The following AKAP13 variants were observed in gnomAD, a reference collection of about 807,000 sequenced individuals.
The protein encoded by AKAP13 is A-kinase anchor protein 13.
AKAP13 carries 80 observed loss-of-function variants against 264.5 expected under a neutral mutation model. The ratio of observed to expected loss-of-function variants is 0.30; its 90% CI spans 0.25 to 0.36. The LOEUF is 0.36. Among genes scored for constraint, AKAP13 ranks in the 10% least tolerant of loss-of-function variants. AKAP13 has a pLI of 1.00. For synonymous variants in AKAP13, 1,380 were observed against 1,250.2 expected, an observed-to-expected ratio of 1.10 and a Z score of -2.19; for missense variants, 3,712 against 3,435.2, an observed-to-expected ratio of 1.08 and a Z score of -2.01.
intron 7 of AKAP13, among the ~76,000 whole-genome samples, chr15:85,584,093 G>A (rs529608898): frequency 5.8e-4 from 88 of 152,286 alleles, no homozygotes; most frequent in African/African-American, 2.0e-3. Context: ...GCACCTGAGT[G>A]TGATCTCAGA....
At chr15:85,455,393 C>G (rs1406088511) in intron 1 of AKAP13, among the ~76,000 whole-genome samples, 2 of 152,078 alleles carry the variant, frequency 1.3e-5, no homozygotes, top group African/African-American at 4.8e-5. Flanking sequence ...AACAGTGGGA[C>G]ACGAGGCATA....
At chr15:85,562,871 G>GTTT (rs71141408) in intron 5 of AKAP13, among the ~76,000 whole-genome samples, 2 of 133,912 alleles carry the variant, frequency 1.5e-5, no homozygotes, top group Non-Finnish European at 3.2e-5. Flanking sequence ...GGTTTTTTTT[G>GTTT]TTTTTTTTTT....
At chr15:85,500,442 T>C (rs1463588735) in intron 2 of AKAP13, among the ~76,000 whole-genome samples, 2 of 152,186 alleles carry the variant, frequency 1.3e-5, no homozygotes, top group Non-Finnish European at 2.9e-5. Flanking sequence ...ATTGCTCTCT[T>C]TGGAAATTCT....
intron 1 of AKAP13, among the ~76,000 whole-genome samples, chr15:85,430,858 A>G (rs1222690703): frequency 2.0e-5 from 3 of 152,198 alleles, no homozygotes; most frequent in Non-Finnish European, 4.4e-5. Flanking sequence ...GAGGGTTTAA[A>G]TACTTGTACT....
At chr15:85,469,489 T>G (rs1029154724) in intron 1 of AKAP13, among the ~76,000 whole-genome samples, 8 of 152,182 alleles carry the variant, frequency 5.3e-5, no homozygotes, top group Non-Finnish European at 1.2e-4. Flanking sequence ...AAGTTTAGCA[T>G]TGATCCCTAA....
At chr15:85,524,004 C>T (rs1478645895) in intron 3 of AKAP13, among the ~76,000 whole-genome samples, 2 of 152,166 alleles carry the variant, frequency 1.3e-5, no homozygotes, top group African/African-American at 4.8e-5. Flanking sequence ...GTGGAAAGTC[C>T]ATGCAGTGCA....
chr15:85,682,506 T>G (rs558152535), intron 15 of AKAP13, among the ~76,000 whole-genome samples: 2 of 152,318 alleles, frequency 1.3e-5, no homozygotes, highest in Admixed American at 6.5e-5. Context: ...GCTTATGGGA[T>G]TTTTAATTCC....
At position 85,580,898 on chromosome 15, in the gene AKAP13, T is replaced by C. The variant is rs149904784; in HGVS notation, c.2830T>C (p.Ser944Pro). The change falls in exon 7 of 37, where the codon TCA becomes CCA. Residue 944 changes from serine (S) to proline (P), a missense_variant. By Grantham distance (74) the Ser-to-Pro change is moderately conservative. Around this residue, in one of 3 missense-constraint regions of AKAP13, gnomAD observed 2,759 missense variants for 2,411.7 expected, o/e 1.14. Transcript: ENST00000394518. ...CSSIKENALSSGTLQEEQRTP... is the reference protein window; with the variant it reads ...CSSIKENALSPGTLQEEQRTP... ...CTCTATTAAGGAAAATGCTCTCTCTTCAGGAACTTTGCAGGAAGAGCAGAG... is the reference window on the plus strand; with the variant it reads ...CTCTATTAAGGAAAATGCTCTCTCTCCAGGAACTTTGCAGGAAGAGCAGAG... The C allele has an allele frequency of 1.6e-4, 262 of 1,614,126 alleles. No individual in the cohort carries two copies. The African/African-American group carries it at 3.1e-3, about 19-fold the overall frequency.
chr15:85,685,130 G>A (rs1040231267), intron 16 of AKAP13: 33 of 337,074 alleles, frequency 9.8e-5, no homozygotes, highest in African/African-American at 6.8e-4. Flanking sequence ...CTGTCAGGTA[G>A]GTGTTATCTC....
intron 1 of AKAP13, among the ~76,000 whole-genome samples, chr15:85,472,192 C>G (rs2074984145): frequency 8.4e-6 from 1 of 119,620 alleles, no homozygotes; most frequent in Non-Finnish European, 1.9e-5. Context: ...AAGTCATATA[C>G]TAGGTTAAAA....
intron 8 of AKAP13, among the ~76,000 whole-genome samples, chr15:85,606,538 TTG>T (rs2080352045): frequency 6.6e-6 from 1 of 152,234 alleles, no homozygotes; most frequent in African/African-American, 2.4e-5. Context: ...TCCACGAGAC[TTG>T]TACAACAGGC....
At chr15:85,383,316 C>A (rs1254175392) in intron 1 of AKAP13, among the ~76,000 whole-genome samples, 1 of 152,184 alleles carries the variant, frequency 6.6e-6, no homozygotes, top group African/African-American at 2.4e-5. Flanking sequence ...TTCAGATCTC[C>A]ACACTTCCAT....
chr15:85,459,948 C>T (rs897648186), intron 1 of AKAP13, among the ~76,000 whole-genome samples: 6 of 152,206 alleles, frequency 3.9e-5, no homozygotes, highest in South Asian at 2.1e-4. Flanking sequence ...GTTTTCTCCT[C>T]TTCATCCCTA....
intron 5 of AKAP13, among the ~76,000 whole-genome samples, chr15:85,561,965 G>A: frequency 6.6e-6 from 1 of 152,210 alleles, no homozygotes; most frequent in East Asian, 1.9e-4. Context: ...ATAGGCAGCA[G>A]AGGTAGGTTT....
intron 1 of AKAP13, among the ~76,000 whole-genome samples, chr15:85,417,176 G>C (rs929723732): frequency 6.6e-6 from 1 of 152,050 alleles, no homozygotes; most frequent in Non-Finnish European, 1.5e-5. Context: ...ATTAAGTTTT[G>C]GATTGATATT....
At chr15:85,618,752 A>C (rs1478367718) in intron 8 of AKAP13, among the ~76,000 whole-genome samples, 1 of 152,226 alleles carries the variant, frequency 6.6e-6, no homozygotes, top group East Asian at 1.9e-4. Flanking sequence ...ACTTAGTCGC[A>C]ACAAATATTA....
intron 14 of AKAP13, among the ~76,000 whole-genome samples, chr15:85,671,610 A>G (rs1051250243): frequency 3.3e-5 from 5 of 149,876 alleles, no homozygotes; most frequent in Non-Finnish European, 7.4e-5. Context: ...TGTGACAGAA[A>G]TAGCTTTTCC....
intron 3 of AKAP13, among the ~76,000 whole-genome samples, chr15:85,527,393 C>CA (rs201897884): frequency 2.0e-5 from 3 of 151,536 alleles, no homozygotes; most frequent in Admixed American, 1.3e-4. Context: ...CTTTTGGGAC[C>CA]AAAAAAAACT....
intron 4 of AKAP13, among the ~76,000 whole-genome samples, chr15:85,538,490 CTTTTTTT>C (rs1056287024): frequency 7.2e-6 from 1 of 139,094 alleles, no homozygotes; most frequent in African/African-American, 2.6e-5. Flanking sequence ...GCTTTTCTTT[CTTTTTTT>C]TTTTTTTTTT....
Sources: allele counts gnomAD v4.1 joint callset (sites outside exome capture counted in the v4.1 genomes callset), GRCh38; gene constraint gnomAD v4.1.1; regional missense constraint gnomAD v4.1.1; transcripts MANE v1.5; gene names NCBI Gene and HGNC (gene_info 2026-07-23, HGNC 2026-07-21).